MCUR1: variants seen among roughly 807,000 people sequenced by gnomAD.
MCUR1 encodes the protein MCU regulator 1.
A neutral mutation model predicts 42.0 loss-of-function variants in MCUR1; 37 were observed. The ratio of observed to expected loss-of-function variants is 0.88; its 90% CI spans 0.68 to 1.16. The LOEUF (loss-of-function observed/expected upper bound fraction) is 1.16. Ranked by LOEUF, MCUR1 falls within the 50% of genes most tolerant of loss-of-function variation. MCUR1 has a pLI of 0.00. For missense variants in MCUR1, 469 were observed against 468.4 expected (o/e 1.00, Z -0.01); for synonymous variants, 229 against 196.2 (o/e 1.17, Z -1.40).
intron 8 of MCUR1, 69 bp from the exon 9 acceptor site, chr6:13,790,933 TA>T: frequency 1.6e-6 from 2 of 1,224,538 alleles, no homozygotes; most frequent in Non-Finnish European, 2.3e-6. Context: ...CATCTTTTTT[TA>T]AGAAAACCTA....
Position 13,802,331 on chromosome 6 carries a change from T to C in MCUR1, c.551A>G (p.Gln184Arg). The C allele has an allele frequency of 6.2e-7, 1 of 1,613,590 alleles. No individual in the cohort carries two copies. Among genetic ancestry groups the C allele is most frequent in the Non-Finnish European group, 8.5e-7 (1 of 1,179,618 alleles). The change falls in exon 3 of 9, where the codon CAA (glutamine) becomes CGA (arginine). Residue 184 changes from glutamine (Q) to arginine (R), a missense_variant. By Grantham distance (43) the Gln-to-Arg change is conservative. Transcript: ENST00000379170. ...LLEDNGFATQ[Q>R]AEIIVSALVK... is the part of the protein sequence containing the mutation. Reference sequence around the variant, plus strand: ...CAATGCAGACACAATGATTTCTGCTTGTTGAGTAGCAAACCCTAAGCAAGC... The same window carrying C: ...CAATGCAGACACAATGATTTCTGCTCGTTGAGTAGCAAACCCTAAGCAAGC...
At position 13,787,583 on chromosome 6, in the gene MCUR1, CA is replaced by C. The variant is rs1475234634; in HGVS notation, c.*3225del. 1.3e-5 allele frequency: 2 copies of C among 152,176 alleles called. No individual in the cohort carries two copies. The highest frequency in any genetic ancestry group is 4.8e-5 in the African/African-American group (2 of 41,414). 9.4% of individuals were successfully genotyped at this position (152,176 alleles called of 1,614,324 possible). A position where few individuals can be genotyped will look rare whatever the true frequency, so the allele number is the denominator to read the frequency against. On this transcript the variant is annotated 3_prime_UTR_variant, in exon 9 of 9. Transcript: ENST00000379170. ...AGGGGAGAGAAGAAAAGGAGGAATG[CA>C]GAGAAGCCCTCCAAGAATGATGAGT... is the stretch of plus-strand genomic sequence containing the variant.
intron 4 of MCUR1, 114 bp downstream of exon 4, chr6:13,801,174 A>G (rs1280979046): frequency 4.1e-6 from 3 of 740,430 alleles, no homozygotes; most frequent in Non-Finnish European, 6.7e-6. Flanking sequence ...GGAAGTGCAC[A>G]CTGTTTGAAA....
intron 1 of MCUR1, among the ~76,000 whole-genome samples, chr6:13,808,141 C>T (rs764654431): frequency 5.8e-4 from 88 of 152,282 alleles, no homozygotes; most frequent in African/African-American, 1.9e-3. Context: ...ACCCCTTCCC[C>T]GACACGTGTG....
At chr6:13,805,936 C>T (rs943546751) in intron 2 of MCUR1, among the ~76,000 whole-genome samples, 4 of 151,982 alleles carry the variant, frequency 2.6e-5, no homozygotes, top group African/African-American at 9.7e-5. Flanking sequence ...ACAGCAATAA[C>T]GAAGAATGTT....
At chr6:13,803,820 A>G in intron 2 of MCUR1, 1 of 985,350 alleles carries the variant, frequency 1.0e-6, no homozygotes, top group Non-Finnish European at 1.2e-6. Flanking sequence ...ACTTTTGCCA[A>G]ATTTTAAAGT....
intron 7 of MCUR1, among the ~76,000 whole-genome samples, chr6:13,792,597 C>A (rs529540782): frequency 6.6e-6 from 1 of 152,158 alleles, no homozygotes; most frequent in Non-Finnish European, 1.5e-5. Flanking sequence ...AAATACAATA[C>A]AGTTAAACTG....
intron 5 of MCUR1, 26 bp downstream of exon 5, chr6:13,800,315 C>A (rs1350612726): frequency 3.3e-6 from 5 of 1,520,492 alleles, no homozygotes; most frequent in Admixed American, 2.0e-5. Flanking sequence ...TACAAACCAG[C>A]CAACAAACAG....
At chr6:13,796,033 G>A (rs1759845633) in intron 6 of MCUR1, among the ~76,000 whole-genome samples, 1 of 152,178 alleles carries the variant, frequency 6.6e-6, no homozygotes, top group Admixed American at 6.5e-5. Context: ...TGCATTGGTT[G>A]CTTTCTGGAG....
At chr6:13,795,685 G>A (rs1759839358) in intron 6 of MCUR1, among the ~76,000 whole-genome samples, 1 of 152,110 alleles carries the variant, frequency 6.6e-6, no homozygotes, top group East Asian at 1.9e-4. Context: ...TGGGAGCTAA[G>A]CTATGATGCA....
chr6:13,801,510 G>C (rs928237449), intron 3 of MCUR1, 121 bp from the exon 4 acceptor site: 4 of 658,336 alleles, frequency 6.1e-6, no homozygotes, highest in African/African-American at 5.4e-5. Flanking sequence ...AAGAGGTTCA[G>C]TAGGGTCATC....
rs1218903129 is a variant in MCUR1 at position 13,814,180 on chromosome 6, C to A, written c.250G>T (p.Ala84Ser). Residue 84 changes from alanine to serine, a missense_variant, in exon 1 of 9, where the codon GCC (alanine) becomes TCC (serine). Coordinates refer to ENST00000379170, the MANE Select transcript of MCUR1 (RefSeq NM_001031713.4). ...LVPSPRLAAA[A>S]PRRQLGDWER... ...CAGTCCCCGAGCTGCCGGCGCGGGG[C>A]TGCGGCGGCCAAGCGCGGGGAGGGC... 5 of 1,370,232 alleles carry A rather than the reference C, an allele frequency of 3.6e-6. No individual in the cohort carries two copies. In the African/African-American group the frequency reaches 6.1e-5, roughly 17 times the overall value. 84.9% of individuals were successfully genotyped at this position (1,370,232 alleles called of 1,614,324 possible). A position where few individuals can be genotyped will look rare whatever the true frequency, so the allele number is the denominator to read the frequency against.
At chr6:13,800,312 C>G (rs1389622510) in intron 5 of MCUR1, 29 bp downstream of exon 5, 1 of 1,497,312 alleles carries the variant, frequency 6.7e-7, no homozygotes, top group Admixed American at 2.0e-5. Context: ...AATTACAAAC[C>G]AGCCAACAAA....
intron 1 of MCUR1, among the ~76,000 whole-genome samples, chr6:13,807,814 T>C (rs990134448): frequency 3.3e-5 from 5 of 152,246 alleles, no homozygotes; most frequent in Admixed American, 3.3e-4. Context: ...TAAAAAATTA[T>C]AGTCATCCTA....
rs1463516634 is a variant in MCUR1, at chr6:13,807,005, T to C, written c.455A>G (p.Lys152Arg). 1 of 1,613,494 alleles carries C rather than the reference T, an allele frequency of 6.2e-7. No individual in the cohort carries two copies. Among genetic ancestry groups the C allele is most frequent in the Non-Finnish European group, 8.5e-7 (1 of 1,179,550 alleles). Reference sequence around the variant, plus strand: ...CCCAGAAGAGGTGAAATCTCTCCTTTTGCGCTCCAGCTGCAGGGATCCAGC... The same window carrying C: ...CCCAGAAGAGGTGAAATCTCTCCTTCTGCGCTCCAGCTGCAGGGATCCAGC... ...LSAGSLQLERKRRDFTSSGSR... is the reference protein window; with the variant it reads ...LSAGSLQLERRRRDFTSSGSR... Residue 152 changes from lysine to arginine, a missense_variant, in exon 2 of 9, where the codon AAA becomes AGA. Lys to Arg is a conservative substitution (Grantham distance 26, BLOSUM62 2). Coordinates refer to ENST00000379170, the MANE Select transcript of MCUR1 (RefSeq NM_001031713.4).
intron 1 of MCUR1, among the ~76,000 whole-genome samples, chr6:13,808,186 G>A (rs562799560): frequency 2.5e-4 from 38 of 152,248 alleles, no homozygotes; most frequent in Admixed American, 5.2e-4. Flanking sequence ...GAAGCAGCAC[G>A]AAGGGCCTGA....
chr6:13,790,942 C>A, intron 8 of MCUR1, 78 bp from the exon 9 acceptor site: 1 of 1,157,684 alleles, frequency 8.6e-7, no homozygotes, highest in Non-Finnish European at 1.2e-6. Flanking sequence ...TTAAGAAAAC[C>A]TAAAAAAGAA....
chr6:13,793,749 T>G lies in MCUR1; in HGVS notation c.909+145A>C, dbSNP rs1759787598. 1.8e-5 allele frequency: 12 copies of G among 663,648 alleles called. No homozygotes were observed. The South Asian group carries it at 2.0e-4, about 11-fold the overall frequency. The allele number at this position is 663,648 out of a possible 1,614,324, so 41.1% of individuals were successfully genotyped here. A position where few individuals can be genotyped will look rare whatever the true frequency, so the allele number is the denominator to read the frequency against. On this transcript the variant is annotated intron_variant, in intron 7 of 8. Coordinates refer to ENST00000379170, the MANE Select transcript of MCUR1 (RefSeq NM_001031713.4). Reference sequence around the variant, plus strand: ...AAAATGGTTAAGATCCTAATTTTTATGTTGTGTGTATTTTAGCACAATGTA... The same window carrying G: ...AAAATGGTTAAGATCCTAATTTTTAGGTTGTGTGTATTTTAGCACAATGTA...
At chr6:13,793,665 G>C (rs1759785243) in intron 7 of MCUR1, among the ~76,000 whole-genome samples, 1 of 152,236 alleles carries the variant, frequency 6.6e-6, no homozygotes, top group Admixed American at 6.5e-5. Context: ...GTGATAGCCA[G>C]TGGCGATGGT....
Sources: gnomAD v4.1 joint callset for allele counts (sites outside exome capture counted in the v4.1 genomes callset) on GRCh38, gnomAD v4.1.1 for gene constraint, MANE v1.5 for transcripts, NCBI Gene and HGNC (gene_info 2026-07-23, HGNC 2026-07-21) for gene names.